The following GRIP1 variants were observed in gnomAD, a reference collection of about 807,000 sequenced individuals.
The protein encoded by GRIP1 is glutamate receptor interacting protein 1.
Under a neutral mutation model 129.9 loss-of-function variants are expected in GRIP1, and 45 were observed. That is an observed-to-expected ratio of 0.35 (90% CI 0.27 to 0.44). The LOEUF (loss-of-function observed/expected upper bound fraction) is 0.44. Among genes scored for constraint, GRIP1 ranks in the 20% least tolerant of loss-of-function variants. The pLI is 1.00. For missense variants in GRIP1, 1,196 were observed against 1,396.8 expected (o/e 0.86, Z 2.29); for synonymous variants, 530 against 520.8 (o/e 1.02, Z -0.24).
At chr12:66,599,117 A>T (rs1294520783) in intron 1 of GRIP1, among the ~76,000 whole-genome samples, 1 of 152,148 alleles carries the variant, frequency 6.6e-6, no homozygotes, top group African/African-American at 2.4e-5. Flanking sequence ...ATTATAGATG[A>T]CCACCTGGCC....
intron 5 of GRIP1, among the ~76,000 whole-genome samples, chr12:66,521,762 G>T (rs2061012558): frequency 6.6e-6 from 1 of 152,204 alleles, no homozygotes; most frequent in East Asian, 1.9e-4. Flanking sequence ...TCAAAGAAAG[G>T]GGTGACAGAC....
At chr12:66,666,003 A>G (rs76050464) in intron 1 of GRIP1, among the ~76,000 whole-genome samples, 5,897 of 152,148 alleles carry the variant, frequency 0.039, 371 homozygotes, top group African/African-American at 0.13. Flanking sequence ...AACATATTCT[A>G]TGTAAGTTAA....
rs373471986 is a variant in GRIP1 at position 66,529,436 on chromosome 12, C to G, written c.502+395G>C. Among the ~76,000 whole-genome samples, 96 of 152,194 alleles carry G rather than the reference C, an allele frequency of 6.3e-4. 1 individual carries two copies. The East Asian group carries it at 0.01, about 16-fold the overall frequency. On this transcript the variant is annotated intron_variant, in intron 5 of 24. Coordinates refer to ENST00000359742, the MANE Select transcript of GRIP1 (RefSeq NM_001366722.1). ...GGATAAAGAAACTGGTATACATATA[C>G]AATAGAATACTACTCAGCCATAAAA...
intron 7 of GRIP1, among the ~76,000 whole-genome samples, chr12:66,475,898 C>T (rs67590485): frequency 0.27 from 40,276 of 151,914 alleles, 5,550 homozygotes; most frequent in Middle Eastern, 0.42. Context: ...AATTGATACC[C>T]TAAATGTGAT....
At chr12:66,994,243 T>C (rs1249332126) in intron 1 of GRIP1, among the ~76,000 whole-genome samples, 1 of 150,928 alleles carries the variant, frequency 6.6e-6, no homozygotes, top group African/African-American at 2.4e-5. Context: ...CAAAACTCTG[T>C]AACAAAACAC....
At chr12:66,637,335 C>T (rs1410083731) in intron 1 of GRIP1, among the ~76,000 whole-genome samples, 2 of 151,754 alleles carry the variant, frequency 1.3e-5, no homozygotes, top group Admixed American at 6.6e-5. Flanking sequence ...ACATGGTTAC[C>T]AATATTCTGT....
rs574585088 is a variant in GRIP1, at chr12:66,736,469, T to C, written c.-420+67584A>G. ...AACATATTTTTGTATAAGTATTATA[T>C]ACTGTATTCTTAAAGCTAGAAAGAA... On this transcript the variant is annotated intron_variant, in intron 1 of 4. Transcript: ENST00000538373. Among the ~76,000 whole-genome samples, 388 of 150,400 alleles carry C rather than the reference T, an allele frequency of 2.6e-3. 3 individuals are homozygous for C. Among genetic ancestry groups the C allele is most frequent in the African/African-American group, 8.9e-3 (366 of 41,052 alleles).
At chr12:67,016,287 A>G (rs975217825) in intron 1 of GRIP1, among the ~76,000 whole-genome samples, 4 of 152,192 alleles carry the variant, frequency 2.6e-5, no homozygotes, top group Admixed American at 2.0e-4. Flanking sequence ...AATTCATATA[A>G]ACACACACGA....
chr12:66,589,880 G>T (rs1457119475), intron 2 of GRIP1, among the ~76,000 whole-genome samples: 1 of 152,118 alleles, frequency 6.6e-6, no homozygotes, highest in African/African-American at 2.4e-5. Context: ...TATGTAAGAT[G>T]CTTCTTCACT....
intron 2 of GRIP1, among the ~76,000 whole-genome samples, chr12:66,551,114 T>C (rs2062112593): frequency 6.6e-6 from 1 of 152,236 alleles, no homozygotes; most frequent in Non-Finnish European, 1.5e-5. Context: ...TTCCCTTAGA[T>C]AAGTTAACTA....
intron 1 of GRIP1, among the ~76,000 whole-genome samples, chr12:66,676,790 T>C (rs1335405871): frequency 6.6e-6 from 1 of 152,118 alleles, no homozygotes; most frequent in East Asian, 1.9e-4. Flanking sequence ...GAAAGGTCAT[T>C]TTAATATTGT....
At chr12:66,805,281 C>G (rs1401110278), upstream of GRIP1, among the ~76,000 whole-genome samples, 1 of 152,144 alleles carries the variant, frequency 6.6e-6, no homozygotes, top group African/African-American at 2.4e-5. Context: ...CTAAAAATCA[C>G]AAGCTTTAAA....
At chr12:66,938,754 C>T (rs1038910256) in intron 1 of GRIP1, among the ~76,000 whole-genome samples, 1 of 151,962 alleles carries the variant, frequency 6.6e-6, no homozygotes, top group Non-Finnish European at 1.5e-5. Context: ...GTCAGGAGAT[C>T]AAGACCATCC....
chr12:66,970,749 T>C (rs2042064051), intron 1 of GRIP1, among the ~76,000 whole-genome samples: 1 of 152,182 alleles, frequency 6.6e-6, no homozygotes, highest in Non-Finnish European at 1.5e-5. Flanking sequence ...TTGGTGGGCC[T>C]ATGTTGCTGT....
At chr12:66,745,035 C>T (rs1043859135) in intron 1 of GRIP1, among the ~76,000 whole-genome samples, 5 of 152,228 alleles carry the variant, frequency 3.3e-5, no homozygotes, top group South Asian at 2.1e-4. Context: ...ACATTTTACA[C>T]GTCACCTGAT....
intron 9 of GRIP1, among the ~76,000 whole-genome samples, chr12:66,457,450 T>C (rs371111710): frequency 7.7e-4 from 117 of 152,244 alleles, no homozygotes; most frequent in African/African-American, 2.7e-3. Flanking sequence ...TATTATTTTA[T>C]TTGTGTAGAA....
intron 15 of GRIP1, among the ~76,000 whole-genome samples, chr12:66,411,589 G>A (rs2057405447): frequency 6.6e-6 from 1 of 152,164 alleles, no homozygotes; most frequent in South Asian, 2.1e-4. Context: ...AAATAACTGC[G>A]ACACTTCTTC....
intron 14 of GRIP1, among the ~76,000 whole-genome samples, chr12:66,430,245 C>G (rs1304184528): frequency 6.6e-6 from 1 of 152,106 alleles, no homozygotes; most frequent in African/African-American, 2.4e-5. Context: ...GCTTTGTCAT[C>G]TGGCAAAATA....
chr12:66,471,486 T>C (rs2059437235), intron 7 of GRIP1, among the ~76,000 whole-genome samples: 3 of 152,250 alleles, frequency 2.0e-5, no homozygotes, highest in Admixed American at 1.3e-4. Flanking sequence ...ACTCTGTGAA[T>C]GTACTAAGTG....
Sources: allele counts gnomAD v4.1 joint callset (sites outside exome capture counted in the v4.1 genomes callset), GRCh38; gene constraint gnomAD v4.1.1; transcripts MANE v1.5; gene names NCBI Gene and HGNC (gene_info 2026-07-23, HGNC 2026-07-21).